The following PCDHA2 variants were observed in gnomAD, a reference collection of about 807,000 sequenced individuals.
The protein encoded by PCDHA2 is protocadherin alpha-2.
Under a neutral mutation model 66.0 loss-of-function variants are expected in PCDHA2, and 58 were observed. That is an observed-to-expected ratio of 0.88 (90% confidence interval 0.71 to 1.09). The LOEUF is 1.09. PCDHA2 is among the 50% of genes least tolerant of loss of function. The probability of loss-of-function intolerance (pLI) is 0.00; values close to 1 mark genes in which losing one functional copy is unlikely to be tolerated. For synonymous variants in PCDHA2, 634 were observed against 554.0 expected (o/e 1.14, Z -2.03); for missense variants, 1,267 against 1,242.3 (o/e 1.02, Z -0.30).
intron 3 of PCDHA2, among the ~76,000 whole-genome samples, chr5:140,990,426 G>A (rs3756324): frequency 0.3 from 46,292 of 152,022 alleles, 7,253 homozygotes; most frequent in East Asian, 0.43. Flanking sequence ...AACCAGCATT[G>A]ACCCAATCTT....
At chr5:140,803,371 C>T (rs781949159) in intron 1 of PCDHA2, 1 of 1,614,202 alleles carries the variant, frequency 6.2e-7, no homozygotes, top group Non-Finnish European at 8.5e-7. Context: ...CGGTGCTCCG[C>T]GCCGCCAACC....
intron 1 of PCDHA2, chr5:140,870,745 G>C (rs369212308): frequency 1.9e-6 from 3 of 1,613,530 alleles, no homozygotes; most frequent in Non-Finnish European, 2.5e-6. Context: ...GAGCAGCAAC[G>C]TGACGCTGCA....
At chr5:140,835,448 GTC>G in intron 1 of PCDHA2, 1 of 1,613,886 alleles carries the variant, frequency 6.2e-7, no homozygotes, top group East Asian at 2.2e-5. Flanking sequence ...TCACTTCCCT[GTC>G]TCTCCCTATT....
intron 1 of PCDHA2, chr5:140,811,340 A>G (rs955953470): frequency 1.3e-5 from 2 of 151,638 alleles, no homozygotes; most frequent in Non-Finnish European, 2.9e-5. Flanking sequence ...ACATGAACTC[A>G]CCCTTTTTTA....
intron 1 of PCDHA2, among the ~76,000 whole-genome samples, chr5:140,905,859 A>T (rs2072155643): frequency 1.3e-5 from 2 of 152,192 alleles, no homozygotes; most frequent in Non-Finnish European, 2.9e-5. Context: ...GTATTAACTC[A>T]CACAATCACA....
At chr5:140,928,657 G>T in intron 1 of PCDHA2, 1 of 1,614,220 alleles carries the variant, frequency 6.2e-7, no homozygotes, top group Admixed American at 1.7e-5. Flanking sequence ...AGAGGATGCT[G>T]ACAGTGGTTC....
chr5:140,834,465 A>G, intron 1 of PCDHA2: 1 of 1,614,150 alleles, frequency 6.2e-7, no homozygotes, highest in Non-Finnish European at 8.5e-7. Context: ...GGAGGCAGGG[A>G]GAGGCCAGCT....
chr5:140,843,178 C>G, intron 1 of PCDHA2: 1 of 1,596,102 alleles, frequency 6.3e-7, no homozygotes, highest in Admixed American at 1.7e-5. Flanking sequence ...GCAGCCCTCG[C>G]ATCCCGTTCC....
At chr5:140,889,156 G>T in intron 1 of PCDHA2, among the ~76,000 whole-genome samples, 1 of 150,034 alleles carries the variant, frequency 6.7e-6, no homozygotes, top group Admixed American at 6.6e-5. Flanking sequence ...TTTCTTCTTT[G>T]TTAAGTATTC....
rs1038140347 is a variant in PCDHA2 at position 140,928,220 on chromosome 5, C to T, written c.2389-50729C>T. On this transcript the variant is annotated intron_variant, in intron 1 of 3. Transcript: ENST00000526136. ...GTTGCTGATGTGAATGACAATACAC[C>T]AAACTTTCCTCAACCCCAGCAGGAA... The T allele has an allele frequency of 2.5e-6, 4 of 1,614,048 alleles. No individual in the cohort carries two copies. The Admixed American group carries it at 5.0e-5, about 20-fold the overall frequency.
chr5:140,875,248 G>A, intron 1 of PCDHA2: 5 of 999,174 alleles, frequency 5.0e-6, no homozygotes, highest in Non-Finnish European at 6.9e-6. Flanking sequence ...TACATAATCA[G>A]TCACATGATG....
chr5:140,876,575 T>C (rs2153342882), intron 1 of PCDHA2: 1 of 1,614,152 alleles, frequency 6.2e-7, no homozygotes, highest in South Asian at 1.1e-5. Context: ...GTGGGTACCG[T>C]CATTGCCCTG....
At chr5:140,975,896 T>C (rs1267301126) in intron 1 of PCDHA2, among the ~76,000 whole-genome samples, 1 of 152,202 alleles carries the variant, frequency 6.6e-6, no homozygotes, top group Non-Finnish European at 1.5e-5. Context: ...CATATGGAGT[T>C]TTGTGACCAT....
At chr5:140,901,282 T>A (rs555723354) in intron 1 of PCDHA2, among the ~76,000 whole-genome samples, 44 of 152,318 alleles carry the variant, frequency 2.9e-4, no homozygotes, top group African/African-American at 1.0e-3. Context: ...CAAGAAATTT[T>A]TGCCCAGACT....
intron 1 of PCDHA2, chr5:140,871,015 G>A (rs1554164977): frequency 1.9e-6 from 3 of 1,613,126 alleles, no homozygotes; most frequent in East Asian, 2.2e-5. Flanking sequence ...TGCCCTGGAC[G>A]AGGCAGACTC....
rs782022639 is a variant in PCDHA2 at position 140,796,782 on chromosome 5, G to A, written c.1818G>A (p.Trp606Ter). The change falls in exon 1 of 4, where the codon TGG (tryptophan) becomes TGA (stop). Residue 606 changes from tryptophan (W) to a stop codon, truncating the protein, a stop_gained. Transcript: ENST00000526136. LOFTEE classifies it high-confidence loss of function. ...AVDADSGYNAWLSYELQLGTG... is the reference protein window; with the variant it reads ...AVDADSGYNA ...ACGCTGACTCAGGCTACAACGCGTG[G>A]CTTTCGTACGAGCTTCAGCTGGGTA... 3.1e-6 allele frequency: 5 copies of A among 1,614,152 alleles called. No individual in the cohort carries two copies. Among genetic ancestry groups the A allele is most frequent in the Non-Finnish European group, 4.2e-6 (5 of 1,179,970 alleles).
intron 3 of PCDHA2, among the ~76,000 whole-genome samples, chr5:141,006,816 G>C (rs1554260932): frequency 6.6e-6 from 1 of 152,082 alleles, no homozygotes; most frequent in African/African-American, 2.4e-5. Flanking sequence ...TGAGAAATGG[G>C]GTAAATGGGG....
chr5:140,802,980 C>G, intron 1 of PCDHA2: 1 of 1,613,998 alleles, frequency 6.2e-7, no homozygotes, highest in Non-Finnish European at 8.5e-7. Flanking sequence ...AGCGAAGGTG[C>G]GCGCAGTGGA....
At chr5:140,975,003 A>G (rs1170426656) in intron 1 of PCDHA2, among the ~76,000 whole-genome samples, 3 of 152,152 alleles carry the variant, frequency 2.0e-5, no homozygotes, top group Non-Finnish European at 4.4e-5. Flanking sequence ...CAAGGCTGAA[A>G]TGAACACAGC....
Sources: allele counts gnomAD v4.1 joint callset (sites outside exome capture counted in the v4.1 genomes callset), GRCh38; gene constraint gnomAD v4.1.1; transcripts MANE v1.5; gene names NCBI Gene and HGNC (gene_info 2026-07-23, HGNC 2026-07-21).